PRRC2C: variants seen among roughly 807,000 people sequenced by gnomAD.
The protein encoded by PRRC2C is proline rich coiled-coil 2C.
Under a neutral mutation model 317.2 loss-of-function variants are expected in PRRC2C, and 72 were observed. The ratio of observed to expected loss-of-function variants is 0.23; its 90% confidence interval spans 0.19 to 0.28. PRRC2C has a LOEUF of 0.28. PRRC2C is among the 10% of genes least tolerant of loss of function. The probability of loss-of-function intolerance (pLI) is 1.00; values close to 1 mark genes in which losing one functional copy is unlikely to be tolerated. For synonymous variants in PRRC2C, 1,296 were observed against 1,205.9 expected, an observed-to-expected ratio of 1.07 and a Z score of -1.55; for missense variants, 3,074 against 3,459.7, an observed-to-expected ratio of 0.89 and a Z score of 2.80.
At chr1:171,530,354 C>G (rs1336104464) in intron 11 of PRRC2C, among the ~76,000 whole-genome samples, 1 of 150,288 alleles carries the variant, frequency 6.7e-6, no homozygotes, top group Non-Finnish European at 1.5e-5. Flanking sequence ...AGCGATCCTC[C>G]TGCCTCAGCC....
At chr1:171,562,305 T>C (rs1399098087) in intron 20 of PRRC2C, among the ~76,000 whole-genome samples, 2 of 152,138 alleles carry the variant, frequency 1.3e-5, no homozygotes, top group East Asian at 1.9e-4. Context: ...GGAAAGAGAA[T>C]AGATGAAGTT....
In PRRC2C at chr1:171,568,321, G is replaced by A. The variant is rs1390078614; in HGVS notation, c.6633G>A (p.Glu2211=). 1 of 1,603,608 alleles carries A rather than the reference G, an allele frequency of 6.2e-7. No individual in the cohort carries two copies. Among genetic ancestry groups the A allele is most frequent in the Non-Finnish European group, 8.5e-7 (1 of 1,174,352 alleles). Residue 2211 remains glutamate (E), a synonymous_variant, in exon 23 of 35, where the codon GAG becomes GAA. Transcript: ENST00000647382. ...NTVATNNTKM[E]DTLVNNVPLP... is the part of the protein sequence containing the mutation. ...TGGCTACTAATAATACAAAGATGGAGGATACTTTGGTTAATAATGTAAGTA... is the reference window on the plus strand; with the variant it reads ...TGGCTACTAATAATACAAAGATGGAAGATACTTTGGTTAATAATGTAAGTA...
intron 19 of PRRC2C, among the ~76,000 whole-genome samples, 165 bp downstream of exon 19, chr1:171,558,308 G>A (rs938825572): frequency 1.3e-5 from 2 of 152,090 alleles, no homozygotes; most frequent in Admixed American, 6.5e-5. Flanking sequence ...TTTGTTTTAA[G>A]CATGTTTAAC....
rs77811784 is a variant in PRRC2C at position 171,527,949 on chromosome 1, A to G, written c.1254+105A>G. 1.6e-4 allele frequency: 142 copies of G among 882,066 alleles called. 2 individuals are homozygous for G. The East Asian group carries it at 3.8e-3, about 23-fold the overall frequency. The allele number at this position is 882,066 out of a possible 1,614,324, so 54.6% of individuals were successfully genotyped here. ...TCAAAACTTTTATGAAACAGTTACT[A>G]ACTTTTTACCTTGTGACTCTTACAT... On this transcript the variant is annotated intron_variant, in intron 11 of 34. Coordinates refer to ENST00000647382, the MANE Select transcript of PRRC2C (RefSeq NM_001387844.1).
intron 26 of PRRC2C, 88 bp from the exon 27 acceptor site, chr1:171,579,266 C>G: frequency 1.4e-6 from 2 of 1,453,116 alleles, no homozygotes; most frequent in Non-Finnish European, 9.1e-7. Flanking sequence ...AATTTGGAAT[C>G]TGCTACAAAA....
chr1:171,591,565 T>C (rs1476174683), intron 34 of PRRC2C, 22 bp from the exon 35 acceptor site: 1 of 1,605,662 alleles, frequency 6.2e-7, no homozygotes, highest in East Asian at 2.2e-5. Context: ...GTATTTTCAG[T>C]TGTTCTTTCT....
intron 1 of PRRC2C, among the ~76,000 whole-genome samples, chr1:171,497,241 G>A (rs1668293663): frequency 6.6e-6 from 1 of 152,104 alleles, no homozygotes; most frequent in Non-Finnish European, 1.5e-5. Context: ...TTATATTTCA[G>A]TTTGTTAATT....
chr1:171,588,556 T>C, intron 33 of PRRC2C, 51 bp downstream of exon 33: 1 of 1,551,940 alleles, frequency 6.4e-7, no homozygotes, highest in Non-Finnish European at 8.8e-7. Flanking sequence ...AAATAGTTGC[T>C]AATCTGATAA....
chr1:171,523,272 C>G lies in PRRC2C; in HGVS notation c.885C>G (p.Arg295=). The change falls in exon 8 of 35, where the codon CGC becomes CGG. Residue 295 remains arginine (R), a synonymous_variant. Coordinates refer to ENST00000647382, the MANE Select transcript of PRRC2C (RefSeq NM_001387844.1). ...CTTCATGGGCCTCTGAGCCTGAACG[C>G]CCATCCATTCTTAGTGCATCAGAAC... ...PPPSWASEPE[R]PSILSASELK... The G allele has an allele frequency of 1.2e-6, 2 of 1,613,610 alleles. No homozygotes were observed. The highest frequency in any genetic ancestry group is 1.7e-6 in the Non-Finnish European group (2 of 1,179,696).
intron 31 of PRRC2C, 104 bp downstream of exon 31, chr1:171,587,325 C>T: frequency 9.3e-7 from 1 of 1,078,898 alleles, no homozygotes; most frequent in Non-Finnish European, 1.3e-6. Context: ...CAGTTTTTAC[C>T]ACCCTGCAAA....
chr1:171,567,783 A>G (rs539870744), intron 22 of PRRC2C, among the ~76,000 whole-genome samples: 1 of 152,354 alleles, frequency 6.6e-6, no homozygotes, highest in African/African-American at 2.4e-5. Flanking sequence ...TCGTGAGTCC[A>G]TGTTGTATTA....
intron 24 of PRRC2C, 54 bp from the exon 25 acceptor site, chr1:171,574,873 G>A (rs763415626): frequency 4.5e-5 from 66 of 1,463,838 alleles, no homozygotes; most frequent in Non-Finnish European, 4.8e-5. Flanking sequence ...ATATACATAC[G>A]TATATTCTGT....
chr1:171,580,041 C>G, intron 28 of PRRC2C, 77 bp downstream of exon 28: 1 of 1,274,982 alleles, frequency 7.8e-7, no homozygotes, highest in Non-Finnish European at 1.0e-6. Flanking sequence ...GTAATCCATA[C>G]TGTTCCTTCC....
intron 7 of PRRC2C, chr1:171,522,491 C>A: frequency 3.9e-6 from 1 of 256,810 alleles, no homozygotes; most frequent in Non-Finnish European, 7.3e-6. Flanking sequence ...AAAACCAGGC[C>A]GGGGACGGTG....
chr1:171,507,252 C>T (rs1014407623), intron 1 of PRRC2C, among the ~76,000 whole-genome samples: 17 of 152,114 alleles, frequency 1.1e-4, no homozygotes, highest in Non-Finnish European at 2.1e-4. Flanking sequence ...ATTTGTTAGA[C>T]AAGATCAGAG....
chr1:171,568,182 A>C, intron 22 of PRRC2C, 65 bp from the exon 23 acceptor site: 2 of 1,497,004 alleles, frequency 1.3e-6, no homozygotes, highest in Non-Finnish European at 1.8e-6. Context: ...GACTCAAAAA[A>C]AAGAGGAAGA....
At chr1:171,538,350 A>G (rs1571871055) in intron 15 of PRRC2C, among the ~76,000 whole-genome samples, 1 of 152,192 alleles carries the variant, frequency 6.6e-6, no homozygotes, top group South Asian at 2.1e-4. Context: ...ATATAGCTAG[A>G]TGTAATTTTT....
intron 6 of PRRC2C, among the ~76,000 whole-genome samples, chr1:171,519,937 T>C (rs895059177): frequency 1.3e-5 from 2 of 152,200 alleles, no homozygotes; most frequent in Non-Finnish European, 2.9e-5. Flanking sequence ...TTTTAATCAT[T>C]CTAGACTAAC....
Position 171,493,949 on chromosome 1 carries a change from A to T in PRRC2C, c.-58+8214A>T, listed in dbSNP as rs561752566. Among the ~76,000 whole-genome samples the T allele has an allele frequency of 4.6e-5, 7 of 152,378 alleles. No individual in the cohort carries two copies. In the South Asian group the frequency reaches 1.4e-3, roughly 32 times the overall value. On this transcript the variant is annotated intron_variant, in intron 1 of 34. Coordinates refer to ENST00000647382, the MANE Select transcript of PRRC2C (RefSeq NM_001387844.1). ...ATACACACTTTGTTAATTAAATCTT[A>T]TAATAGTATTGGAGTAGATATTATA...
Sources: gnomAD v4.1 joint callset for allele counts (sites outside exome capture counted in the v4.1 genomes callset) on GRCh38, gnomAD v4.1.1 for gene constraint, MANE v1.5 for transcripts, NCBI Gene and HGNC (gene_info 2026-07-23, HGNC 2026-07-21) for gene names.